The following FANCE variants were observed in gnomAD, a reference collection of about 807,000 sequenced individuals.
FANCE encodes the protein FA complementation group E, also known as Fanconi anemia group E protein.
Under a neutral mutation model 57.8 loss-of-function variants are expected in FANCE, and 42 were observed. The observed-to-expected ratio is 0.73, with a 90% CI of 0.57 to 0.94. The LOEUF is 0.94. Ranked by LOEUF, FANCE falls within the 40% of genes least tolerant of loss-of-function variation. The pLI, the probability that FANCE is intolerant of heterozygous loss-of-function variation, is 0.00. For missense variants in FANCE, 608 were observed against 661.8 expected (o/e 0.92, Z 0.89); for synonymous variants, 251 against 286.4 (o/e 0.88, Z 1.25).
chr6:35,462,319 C>G (rs1420976756), intron 8 of FANCE, among the ~76,000 whole-genome samples: 1 of 151,672 alleles, frequency 6.6e-6, no homozygotes, highest in Non-Finnish European at 1.5e-5. Flanking sequence ...GTTGGCCAGG[C>G]TGGTCTGGAA....
chr6:35,459,569 G>A (rs2150896925), intron 6 of FANCE, 113 bp from the exon 7 acceptor site: 2 of 1,582,080 alleles, frequency 1.3e-6, no homozygotes, highest in East Asian at 2.2e-5. Flanking sequence ...GATGCCTGCT[G>A]CTTCCCTGAC....
chr6:35,452,798 G>A lies in FANCE; in HGVS notation c.248+5G>A, dbSNP rs1027705914. On this transcript the variant is annotated splice_donor_5th_base_variant and intron_variant, in intron 1 of 9. Coordinates refer to ENST00000229769, the MANE Select transcript of FANCE (RefSeq NM_021922.3). ...GCCTGACGGCCGTCTGGAGCTGTAA[G>A]TCCTCGCCCGCGGCCCCTTAGCAGG... 5 of 1,314,172 alleles carry A rather than the reference G, an allele frequency of 3.8e-6. No individual in the cohort carries two copies. The highest frequency in any genetic ancestry group is 4.9e-6 in the Non-Finnish European group (5 of 1,025,186). 81.4% of individuals were successfully genotyped at this position (1,314,172 alleles called of 1,614,324 possible). A position where few individuals can be genotyped will look rare whatever the true frequency, so the allele number is the denominator to read the frequency against.
intron 6 of FANCE, 93 bp from the exon 7 acceptor site, chr6:35,459,589 G>A: frequency 6.4e-7 from 1 of 1,571,642 alleles, no homozygotes; most frequent in Non-Finnish European, 8.8e-7. Context: ...CAATGCCCCT[G>A]TAACAGGCTG....
Position 35,458,380 on chromosome 6 carries a change from T to C in FANCE, c.1053T>C (p.Leu351=). Residue 351 remains leucine (L), a synonymous_variant, in exon 5 of 10, where the codon CTT becomes CTC. Coordinates refer to ENST00000229769, the MANE Select transcript of FANCE (RefSeq NM_021922.3). ...LLRLCTWLLA[L]SPDLSLSNAT... The stretch of plus-strand genomic sequence containing the variant: ...GGCTCTGCACCTGGCTGCTGGCCCT[T>C]TCACCTGATCTCAGCCTCAGCAATG... The C allele has an allele frequency of 6.2e-7, 1 of 1,614,202 alleles. No individual in the cohort carries two copies. The highest frequency in any genetic ancestry group is 8.5e-7 in the Non-Finnish European group (1 of 1,180,038).
chr6:35,454,062 T>TG (rs1385962339), intron 1 of FANCE, among the ~76,000 whole-genome samples: 1 of 147,930 alleles, frequency 6.8e-6, no homozygotes, highest in Non-Finnish European at 1.5e-5. Context: ...AGGTTTTTTT[T>TG]GTTTGTTTTG....
intron 3 of FANCE, 108 bp downstream of exon 3, chr6:35,457,708 G>T: frequency 7.6e-7 from 1 of 1,319,538 alleles, no homozygotes. Flanking sequence ...GGCTGGGGGA[G>T]GGGGACTGGA....
Position 35,466,411 on chromosome 6 carries a change from C to A in FANCE, c.*66C>A. 1 of 1,045,042 alleles carries A rather than the reference C, an allele frequency of 9.6e-7. No homozygotes were observed. Among genetic ancestry groups the A allele is most frequent in the Non-Finnish European group, 1.5e-6 (1 of 661,384 alleles). The allele number at this position is 1,045,042 out of a possible 1,614,324, so 64.7% of individuals were successfully genotyped here. ...GCTTCCTGAAGGGCATTTCTTTCTT[C>A]ACCACCTTGTCTTGAGCCCTAGCCT... On this transcript the variant is annotated 3_prime_UTR_variant, in exon 10 of 10. Transcript: ENST00000229769.
At position 35,456,827 on chromosome 6, in the gene FANCE, TAAG is replaced by T. The variant is rs1209597695; in HGVS notation, c.855+475_855+477del. 6.6e-6 allele frequency among the ~76,000 whole-genome samples: 1 copy of T among 152,042 alleles called. No homozygotes were observed. The highest frequency in any genetic ancestry group is 1.5e-5 in the Non-Finnish European group (1 of 68,006). On this transcript the variant is annotated intron_variant, in intron 2 of 9. Transcript: ENST00000229769. The surrounding 1 kb of genome is among the most constrained non-coding windows in gnomAD (Gnocchi z 4.3). ...CACGCCCAGCCACTCCACAGACTCTTAAGGAGGGGTAGGGAAGGGAGTTATTGG... is the reference window on the plus strand; with the variant it reads ...CACGCCCAGCCACTCCACAGACTCTTGAGGGGTAGGGAAGGGAGTTATTGG...
At position 35,456,276 on chromosome 6, in the gene FANCE, A is replaced by G. The variant is rs1471037643; in HGVS notation, c.778A>G (p.Lys260Glu). The G allele has an allele frequency of 6.2e-7, 1 of 1,614,184 alleles. No homozygotes were observed. Residue 260 changes from lysine to glutamate, a missense_variant, in exon 2 of 10, where the codon AAG becomes GAG. Lys to Glu is a moderately conservative substitution (Grantham distance 56). Coordinates refer to ENST00000229769, the MANE Select transcript of FANCE (RefSeq NM_021922.3). The surrounding 1 kb of genome is among the most constrained non-coding windows in gnomAD (Gnocchi z 4.3). ...PIKDQPVMAV[K>E]TGEDGSNLDD... ...TAAGGACCAGCCTGTCATGGCAGTT[A>G]AGACTGGCGAGGACGGTTCGAATCT...
intron 9 of FANCE, among the ~76,000 whole-genome samples, chr6:35,463,611 A>G (rs1043318992): frequency 2.0e-5 from 3 of 151,918 alleles, no homozygotes; most frequent in Admixed American, 6.6e-5. Flanking sequence ...TGGCAAAAGA[A>G]GAGGAGCAAG....
rs1256194390 is a variant in FANCE at position 35,459,401 on chromosome 6, C to T, written c.1184C>T (p.Thr395Ile). ...TALTSFCAKY[T>I]YPVCSALLDP... ...CTGACCTCCTTCTGTGCCAAATATA[C>T]ATACCCTGTCTGCAGCGCCCTCCTT... The change falls in exon 6 of 10, where the codon ACA becomes ATA. Residue 395 changes from threonine (T) to isoleucine (I), a missense_variant. Physicochemically the swap from Thr to Ile is moderately conservative, Grantham distance 89 (BLOSUM62 -1). Transcript: ENST00000229769. The T allele has an allele frequency of 6.2e-7, 1 of 1,614,080 alleles. No homozygotes were observed. The highest frequency in any genetic ancestry group is 1.3e-5 in the African/African-American group (1 of 74,922).
chr6:35,452,534 C>A lies in FANCE; in HGVS notation c.-12C>A. 7.7e-7 allele frequency: 1 copy of A among 1,302,146 alleles called. No individual in the cohort carries two copies. The highest frequency in any genetic ancestry group is 9.8e-7 in the Non-Finnish European group (1 of 1,022,390). 80.7% of individuals were successfully genotyped at this position (1,302,146 alleles called of 1,614,324 possible). On this transcript the variant is annotated 5_prime_UTR_variant, in exon 1 of 10. Coordinates refer to ENST00000229769, the MANE Select transcript of FANCE (RefSeq NM_021922.3). ...ACCAGAGTAGGGGGCGGCGCGGCACCCGTGCCCCGGCATGGCGACACCGGA... is the reference window on the plus strand; with the variant it reads ...ACCAGAGTAGGGGGCGGCGCGGCACACGTGCCCCGGCATGGCGACACCGGA...
Position 35,452,415 on chromosome 6 carries a change from G to T in FANCE, c.-131G>T. Reference sequence around the variant, plus strand: ...CTCCGGTCTCCCAACGCCGAGGAGAGCTTGTAACAGGCGCTGGAGCTGGCC... The same window carrying T: ...CTCCGGTCTCCCAACGCCGAGGAGATCTTGTAACAGGCGCTGGAGCTGGCC... On this transcript the variant is annotated 5_prime_UTR_variant, in exon 1 of 10. Coordinates refer to ENST00000229769, the MANE Select transcript of FANCE (RefSeq NM_021922.3). 6.1e-6 allele frequency: 6 copies of T among 991,588 alleles called. No homozygotes were observed. Among genetic ancestry groups the T allele is most frequent in the Non-Finnish European group, 7.7e-6 (6 of 778,206 alleles). 61.4% of individuals were successfully genotyped at this position (991,588 alleles called of 1,614,324 possible). A position where few individuals can be genotyped will look rare whatever the true frequency, so the allele number is the denominator to read the frequency against.
rs763145289 is a variant in FANCE at position 35,459,418 on chromosome 6, G to A, written c.1201G>A (p.Ala401Thr). Residue 401 changes from alanine to threonine, a missense_variant, in exon 6 of 10, where the codon GCC (alanine) becomes ACC (threonine). Physicochemically the swap from Ala to Thr is moderately conservative, Grantham distance 58 (BLOSUM62 0). Transcript: ENST00000229769. ...CAAATATACATACCCTGTCTGCAGC[G>A]CCCTCCTTGACCCTGTGCTCCAGGC... ...CAKYTYPVCS[A>T]LLDPVLQAPG... 1.2e-5 allele frequency: 19 copies of A among 1,613,876 alleles called. No individual in the cohort carries two copies. The highest frequency in any genetic ancestry group is 1.7e-5 in the Admixed American group (1 of 59,990).
At chr6:35,458,937 C>T (rs1218463102) in intron 5 of FANCE, among the ~76,000 whole-genome samples, 1 of 152,162 alleles carries the variant, frequency 6.6e-6, no homozygotes, top group African/African-American at 2.4e-5. Context: ...CCCACCGCCA[C>T]ACCTGGCTAA....
At chr6:35,465,828 G>A (rs1767808633) in intron 9 of FANCE, among the ~76,000 whole-genome samples, 1 of 152,208 alleles carries the variant, frequency 6.6e-6, no homozygotes, top group African/African-American at 2.4e-5. Flanking sequence ...TAGCAACAGG[G>A]CAGAAAGAGA....
rs547773517 is a variant in FANCE, at chr6:35,466,627, C to T, written c.*282C>T. 1.9e-4 allele frequency: 86 copies of T among 457,788 alleles called. No homozygotes were observed. Among genetic ancestry groups the T allele is most frequent in the African/African-American group, 1.5e-3 (75 of 51,286 alleles). The allele number at this position is 457,788 out of a possible 1,614,324, so 28.4% of individuals were successfully genotyped here. A position where few individuals can be genotyped will look rare whatever the true frequency, so the allele number is the denominator to read the frequency against. ...TCATCCAGGCTGGAGTGCAGTGATG[C>T]GATTGATCATGGCTCACTGTAACCT... On this transcript the variant is annotated 3_prime_UTR_variant, in exon 10 of 10. Coordinates refer to ENST00000229769, the MANE Select transcript of FANCE (RefSeq NM_021922.3).
rs145648734 is a variant in FANCE at position 35,456,020 on chromosome 6, G to A, written c.522G>A (p.Gly174=). The A allele has an allele frequency of 1.2e-4, 200 of 1,612,950 alleles. No individual in the cohort carries two copies. The African/African-American group carries it at 2.5e-3, about 20-fold the overall frequency. The stretch of plus-strand genomic sequence containing the variant: ...GTCTATGTAGGGGGCTGGGCCTGGG[G>A]GGCAGGAGGTTGAAATCCCCCCAGG... ...LQSLCRGLGL[G]GRRLKSPQAP... Residue 174 remains glycine, a synonymous_variant, in exon 2 of 10, where the codon GGG becomes GGA. Transcript: ENST00000229769. This position sits in a 1 kb window ranked among gnomAD's most constrained non-coding sequence, Gnocchi z 4.3.
rs1174142540 is a variant in FANCE, at chr6:35,458,317, G to A, written c.990G>A (p.Gln330=). Residue 330 remains glutamine (Q), a synonymous_variant, in exon 5 of 10, where the codon CAG becomes CAA. Coordinates refer to ENST00000229769, the MANE Select transcript of FANCE (RefSeq NM_021922.3). ...SPSQMDLLCA[Q]LQLPQLSDLG... The stretch of plus-strand genomic sequence containing the variant: ...AGCAGATGGACTTGCTGTGTGCCCA[G>A]CTGCAGCTCCCTCAGCTCTCAGACC... 6.2e-7 allele frequency: 1 copy of A among 1,614,030 alleles called. No individual in the cohort carries two copies. Among genetic ancestry groups the A allele is most frequent in the Non-Finnish European group, 8.5e-7 (1 of 1,180,030 alleles).
Sources: allele counts gnomAD v4.1 joint callset (sites outside exome capture counted in the v4.1 genomes callset), GRCh38; gene constraint gnomAD v4.1.1; non-coding constraint Gnocchi (gnomAD v3.1); transcripts MANE v1.5; gene names NCBI Gene and HGNC (gene_info 2026-07-23, HGNC 2026-07-21).